The following SUSD1 variants were observed in gnomAD, a reference collection of about 807,000 sequenced individuals.
SUSD1 encodes the protein sushi domain-containing protein 1.
In SUSD1, 65 loss-of-function variants were observed where a neutral mutation model predicts 86.9. That is an observed-to-expected ratio of 0.75 (90% CI 0.61 to 0.92). The LOEUF (loss-of-function observed/expected upper bound fraction) is 0.92. Among genes scored for constraint, SUSD1 ranks in the 40% least tolerant of loss-of-function variants. SUSD1 has a pLI of 0.00. For missense variants in SUSD1, 850 were observed against 929.7 expected (o/e 0.91, Z 1.11); for synonymous variants, 346 against 350.0 (o/e 0.99, Z 0.13).
chr9:112,061,359 T>C (rs922429293), intron 13 of SUSD1, among the ~76,000 whole-genome samples: 10 of 152,174 alleles, frequency 6.6e-5, no homozygotes, highest in Non-Finnish European at 1.0e-4. Flanking sequence ...ATTAGCCATG[T>C]GATGTTAAAG....
intron 3 of SUSD1, among the ~76,000 whole-genome samples, chr9:112,144,652 G>T (rs907617466): frequency 6.6e-6 from 1 of 152,058 alleles, no homozygotes; most frequent in Non-Finnish European, 1.5e-5. Context: ...TTTTAAATAA[G>T]GAAAACAATC....
chr9:112,129,365 T>G (rs1831918449), intron 5 of SUSD1, among the ~76,000 whole-genome samples: 1 of 152,198 alleles, frequency 6.6e-6, no homozygotes, highest in African/African-American at 2.4e-5. Flanking sequence ...AAGGCTGGAG[T>G]GCAGTGGCAC....
chr9:112,170,716 G>T (rs62569096), intron 1 of SUSD1, among the ~76,000 whole-genome samples: 38 of 111,678 alleles, frequency 3.4e-4, no homozygotes, highest in South Asian at 1.1e-3. Context: ...TATATAGAGA[G>T]AGAGAGAGAG....
At chr9:112,076,357 G>C (rs931486082) in intron 12 of SUSD1, among the ~76,000 whole-genome samples, 16 of 152,226 alleles carry the variant, frequency 1.1e-4, no homozygotes, top group Non-Finnish European at 1.9e-4. Context: ...ATTTCAGACA[G>C]CAAGCCAACA....
chr9:112,154,113 A>T (rs1407302523), intron 2 of SUSD1, among the ~76,000 whole-genome samples: 1 of 152,148 alleles, frequency 6.6e-6, no homozygotes, highest in Non-Finnish European at 1.5e-5. Context: ...GTCTATCATT[A>T]ACCAAAACAT....
chr9:112,142,586 C>T lies in SUSD1; in HGVS notation c.527-87G>A, dbSNP rs188952933. On this transcript the variant is annotated intron_variant, in intron 4 of 16. Transcript: ENST00000374270. Reference sequence around the variant, plus strand: ...CTCTCTCCACCTCTACCCTATTCCTCACACACACACACCCCCGAGCCATAT... The same window carrying T: ...CTCTCTCCACCTCTACCCTATTCCTTACACACACACACCCCCGAGCCATAT... The T allele has an allele frequency of 4.6e-4, 510 of 1,120,034 alleles. 2 individuals are homozygous for T. The African/African-American group carries it at 7.3e-3, about 16-fold the overall frequency. 69.4% of individuals were successfully genotyped at this position (1,120,034 alleles called of 1,614,324 possible).
intron 10 of SUSD1, among the ~76,000 whole-genome samples, chr9:112,087,029 C>T (rs1472052549): frequency 1.3e-5 from 2 of 150,182 alleles, no homozygotes; most frequent in Non-Finnish European, 3.0e-5. Context: ...AAAATAAAAA[C>T]AATGCAGCTT....
chr9:112,162,765 C>G (rs1244618473), intron 1 of SUSD1, among the ~76,000 whole-genome samples: 1 of 152,148 alleles, frequency 6.6e-6, no homozygotes, highest in Non-Finnish European at 1.5e-5. Flanking sequence ...CCAAATGGCA[C>G]CAGAGATAAG....
intron 1 of SUSD1, among the ~76,000 whole-genome samples, chr9:112,172,535 T>A (rs901434065): frequency 6.6e-6 from 1 of 152,212 alleles, no homozygotes; most frequent in Non-Finnish European, 1.5e-5. Context: ...ATCAAGTCTA[T>A]TGATTTCATC....
intron 8 of SUSD1, among the ~76,000 whole-genome samples, chr9:112,108,774 C>CAAAAAAAAAAAAAAAAAAAAAAAAA (rs11312103): frequency 1.5e-5 from 1 of 68,600 alleles, no homozygotes; most frequent in Non-Finnish European, 3.1e-5. Context: ...CTGGGTGTCT[C>CAAAAAAAAAAAAAAAAAAAAAAAAA]AAAAAAAAAA....
intron 6 of SUSD1, among the ~76,000 whole-genome samples, chr9:112,114,948 C>T (rs918743908): frequency 6.6e-6 from 1 of 152,216 alleles, no homozygotes; most frequent in African/African-American, 2.4e-5. Flanking sequence ...CATACGCTGA[C>T]TCTCCTTCTT....
rs1284969774 is a variant in SUSD1, at chr9:112,157,579, G to A, written c.138C>T (p.Ala46=). ...TCTTCCCTTCTCTTTGCTGGCATGTGGCATGTTCATGGCAAGTGGCACAGA... is the reference window on the plus strand; with the variant it reads ...TCTTCCCTTCTCTTTGCTGGCATGTAGCATGTTCATGGCAAGTGGCACAGA... ...LDVCATCHEH[A]TCQQREGKKI... is the part of the protein sequence containing the mutation. The change falls in exon 2 of 17, where the codon GCC becomes GCT. Residue 46 remains alanine, a synonymous_variant. Coordinates refer to ENST00000374270, the MANE Select transcript of SUSD1 (RefSeq NM_022486.5). 8.1e-6 allele frequency: 13 copies of A among 1,613,882 alleles called. No individual in the cohort carries two copies. The highest frequency in any genetic ancestry group is 3.3e-5 in the South Asian group (3 of 91,080).
At chr9:112,089,829 A>AAAAG (rs1564285045) in intron 10 of SUSD1, among the ~76,000 whole-genome samples, 4 of 149,934 alleles carry the variant, frequency 2.7e-5, no homozygotes, top group Non-Finnish European at 5.9e-5. Context: ...AAAAAAAAAA[A>AAAAG]AAAGAAAAGA....
chr9:112,066,535 A>G (rs1294334439), intron 12 of SUSD1, among the ~76,000 whole-genome samples: 1 of 152,196 alleles, frequency 6.6e-6, no homozygotes, highest in East Asian at 1.9e-4. Context: ...ATTCTGCTGA[A>G]TGAACGGGGC....
At chr9:112,069,319 C>T (rs1316308653) in intron 12 of SUSD1, among the ~76,000 whole-genome samples, 1 of 152,168 alleles carries the variant, frequency 6.6e-6, no homozygotes, top group African/African-American at 2.4e-5. Context: ...CCCAGGAGGT[C>T]ACCTGGAAAA....
chr9:112,145,300 G>C (rs1832763862), intron 3 of SUSD1, among the ~76,000 whole-genome samples: 1 of 118,276 alleles, frequency 8.5e-6, no homozygotes, highest in East Asian at 2.3e-4. Flanking sequence ...TTTTTTTTGA[G>C]ACAGAGTCTC....
intron 5 of SUSD1, among the ~76,000 whole-genome samples, chr9:112,127,832 T>C (rs534128056): frequency 3.3e-5 from 5 of 152,338 alleles, no homozygotes; most frequent in Non-Finnish European, 5.9e-5. Context: ...TGTTGTGATC[T>C]CACTCTATTG....
chr9:112,118,551 C>T (rs1245535830), intron 6 of SUSD1, among the ~76,000 whole-genome samples: 2 of 152,138 alleles, frequency 1.3e-5, no homozygotes, highest in Admixed American at 6.6e-5. Context: ...GTGGCATGTT[C>T]TCAGCTGACT....
intron 3 of SUSD1, among the ~76,000 whole-genome samples, chr9:112,144,576 C>T (rs1832726615): frequency 6.6e-6 from 1 of 151,990 alleles, no homozygotes; most frequent in South Asian, 2.1e-4. Context: ...GAGTTTGAGA[C>T]CAGCCTGGGA....
Sources: allele counts gnomAD v4.1 joint callset (sites outside exome capture counted in the v4.1 genomes callset), GRCh38; gene constraint gnomAD v4.1.1; transcripts MANE v1.5; gene names NCBI Gene and HGNC (gene_info 2026-07-23, HGNC 2026-07-21).